Variants in PTPRZ1 observed in about 807,000 individuals in gnomAD.
PTPRZ1 encodes the protein protein tyrosine phosphatase receptor type Z1.
PTPRZ1 carries 82 observed loss-of-function variants against 214.1 expected under a neutral mutation model. That is an observed-to-expected ratio of 0.38 (90% CI 0.32 to 0.46). The LOEUF (loss-of-function observed/expected upper bound fraction) is 0.46, where lower values mean the gene tolerates loss of function less well. Ranked by LOEUF, PTPRZ1 falls within the 20% of genes least tolerant of loss-of-function variation. PTPRZ1 has a pLI of 1.00. For missense variants in PTPRZ1, 2,603 were observed against 2,748.7 expected, an observed-to-expected ratio of 0.95 and a Z score of 1.19; for synonymous variants, 945 against 987.9, an observed-to-expected ratio of 0.96 and a Z score of 0.81.
chr7:122,013,325 GA>G lies in PTPRZ1; in HGVS notation c.4280del (p.Asp1427ValfsTer29). ...EDGDTDDDGDDDDDDRGSDGL... is the reference protein window; with the variant it reads ...EDGDTDDDGDXDDDDRGSDGL... Reference sequence around the variant, plus strand: ...TGGTGACACTGATGATGATGGTGATGATGATGATGATGACAGAGGTAGTGAT... The same window carrying G: ...TGGTGACACTGATGATGATGGTGATGTGATGATGATGACAGAGGTAGTGAT... On this transcript the variant is annotated frameshift_variant, in exon 12 of 30. Transcript: ENST00000393386. LOFTEE classifies it high-confidence loss of function. 6.3e-7 allele frequency: 1 copy of G among 1,581,168 alleles called. No homozygotes were observed. The highest frequency in any genetic ancestry group is 8.6e-7 in the Non-Finnish European group (1 of 1,159,218).
At chr7:121,896,262 G>T (rs1012656696) in intron 1 of PTPRZ1, among the ~76,000 whole-genome samples, 2 of 152,126 alleles carry the variant, frequency 1.3e-5, no homozygotes, top group Non-Finnish European at 2.9e-5. Context: ...TATGCACGTT[G>T]TACAGGATCT....
At chr7:121,981,541 C>A (rs1317708434) in intron 6 of PTPRZ1, among the ~76,000 whole-genome samples, 1 of 152,178 alleles carries the variant, frequency 6.6e-6, no homozygotes. Context: ...AAGTAGATTG[C>A]TGCCTACATG....
chr7:121,970,382 C>T (rs1797200780), intron 3 of PTPRZ1, among the ~76,000 whole-genome samples: 1 of 152,200 alleles, frequency 6.6e-6, no homozygotes, highest in African/African-American at 2.4e-5. Flanking sequence ...GCCACACTGT[C>T]TTCCACAATG....
intron 14 of PTPRZ1, 73 bp from the exon 15 acceptor site, chr7:122,031,401 C>A: frequency 9.7e-7 from 1 of 1,032,656 alleles, no homozygotes; most frequent in Non-Finnish European, 1.5e-6. Flanking sequence ...GTTTCAGAAG[C>A]TACTTTATAA....
intron 18 of PTPRZ1, among the ~76,000 whole-genome samples, 200 bp downstream of exon 18, chr7:122,036,882 T>G (rs1299560990): frequency 6.6e-6 from 1 of 152,248 alleles, no homozygotes; most frequent in East Asian, 1.9e-4. Context: ...CAAGCTATTT[T>G]ACTTGGTTTA....
At chr7:121,968,348 C>T (rs1236207510) in intron 3 of PTPRZ1, among the ~76,000 whole-genome samples, 1 of 151,904 alleles carries the variant, frequency 6.6e-6, no homozygotes, top group East Asian at 1.9e-4. Flanking sequence ...TCATGTTTTC[C>T]TACAAGGTAA....
intron 1 of PTPRZ1, among the ~76,000 whole-genome samples, chr7:121,890,698 C>T (rs931007246): frequency 6.6e-6 from 1 of 152,006 alleles, no homozygotes; most frequent in African/African-American, 2.4e-5. Flanking sequence ...AGAGACAGGT[C>T]TCCCTCTGTC....
chr7:121,985,474 C>T (rs1797739644), intron 8 of PTPRZ1, among the ~76,000 whole-genome samples: 1 of 152,192 alleles, frequency 6.6e-6, no homozygotes, highest in Non-Finnish European at 1.5e-5. Context: ...GTTTACTAGT[C>T]TTAGTGCTTA....
At chr7:121,993,273 C>T (rs888968901) in intron 8 of PTPRZ1, among the ~76,000 whole-genome samples, 1 of 151,698 alleles carries the variant, frequency 6.6e-6, no homozygotes, top group African/African-American at 2.4e-5. Context: ...TTGGGCTGGC[C>T]GGGTGCGGTG....
At chr7:122,000,596 AAAG>A (rs1174530983) in intron 10 of PTPRZ1, among the ~76,000 whole-genome samples, 1 of 142,630 alleles carries the variant, frequency 7.0e-6, no homozygotes, top group Non-Finnish European at 1.5e-5. Flanking sequence ...CTTTTGTTAA[AAAG>A]AAATGAAAAA....
At chr7:121,949,805 A>G (rs1425730271) in intron 2 of PTPRZ1, among the ~76,000 whole-genome samples, 1 of 152,170 alleles carries the variant, frequency 6.6e-6, no homozygotes, top group Non-Finnish European at 1.5e-5. Flanking sequence ...AGCTACAGAA[A>G]CCTACTTTGA....
chr7:122,051,878 G>T lies in PTPRZ1; in HGVS notation c.6191G>T (p.Arg2064Met). Residue 2064 changes from arginine (R) to methionine (M), a missense_variant, in exon 25 of 30, where the codon AGG becomes ATG. By Grantham distance (91) the Arg-to-Met change is moderately conservative. Coordinates refer to ENST00000393386, the MANE Select transcript of PTPRZ1 (RefSeq NM_002851.3). ...TTCTGTGTTCCAGTGGAAAGATCAAGGGTTGGCATTTCATCCCTGAGTGGA... is the reference window on the plus strand; with the variant it reads ...TTCTGTGTTCCAGTGGAAAGATCAATGGTTGGCATTTCATCCCTGAGTGGA... The part of the protein sequence containing the change: ...TSSIIPVERS[R>M]VGISSLSGEG... The T allele has an allele frequency of 1.2e-6, 2 of 1,612,426 alleles. No homozygotes were observed. The highest frequency in any genetic ancestry group is 1.7e-6 in the Non-Finnish European group (2 of 1,179,514).
At position 122,061,233 on chromosome 7, in the gene PTPRZ1, T is replaced by G. The variant is rs1315738087; in HGVS notation, c.*13T>G. 2 of 1,568,826 alleles carry G rather than the reference T, an allele frequency of 1.3e-6. No homozygotes were observed. Among genetic ancestry groups the G allele is most frequent in the Admixed American group, 1.8e-5 (1 of 55,930 alleles). Reference sequence around the variant, plus strand: ...GTCTTTAGTTTAACACAGAAAGGGGTGGGGGAACTCACATCTGAGCATTGT... The same window carrying G: ...GTCTTTAGTTTAACACAGAAAGGGGGGGGGGAACTCACATCTGAGCATTGT... On this transcript the variant is annotated 3_prime_UTR_variant, in exon 30 of 30. Transcript: ENST00000393386.
rs761867566 is a variant in PTPRZ1 at position 122,011,670 on chromosome 7, A to C, written c.2624A>C (p.Gln875Pro). Residue 875 changes from glutamine (Q) to proline (P), a missense_variant, in exon 12 of 30, where the codon CAG (glutamine) becomes CCG (proline). Gln to Pro is a moderately conservative substitution (Grantham distance 76). Transcript: ENST00000393386. ...GDLLLEPSLA[Q>P]YSDVLSTTHA... is the part of the protein sequence containing the mutation. ...TTGCTATTAGAGCCCAGCCTTGCTC[A>C]GTATTCTGATGTGCTGTCCACTACT... 1 of 1,614,038 alleles carries C rather than the reference A, an allele frequency of 6.2e-7. No homozygotes were observed. The highest frequency in any genetic ancestry group is 1.1e-5 in the South Asian group (1 of 91,072).
Position 121,937,741 on chromosome 7 carries a change from A to G in PTPRZ1, c.124+9520A>G, listed in dbSNP as rs148861303. On this transcript the variant is annotated intron_variant, in intron 2 of 29. Transcript: ENST00000393386. ...TTCATTCCCTTAGGGGATGCTATTCAGCTCCCTAATTTAGTAGAATAACTT... is the reference window on the plus strand; with the variant it reads ...TTCATTCCCTTAGGGGATGCTATTCGGCTCCCTAATTTAGTAGAATAACTT... 1.3e-3 allele frequency among the ~76,000 whole-genome samples: 195 copies of G among 152,288 alleles called. 3 individuals are homozygous for G. In the East Asian group the frequency reaches 0.025, roughly 19 times the overall value.
At chr7:122,046,867 A>C (rs1216225856) in intron 23 of PTPRZ1, among the ~76,000 whole-genome samples, 1 of 151,824 alleles carries the variant, frequency 6.6e-6, no homozygotes, top group Non-Finnish European at 1.5e-5. Context: ...ATCAGCGTAG[A>C]GATGGTTCCT....
chr7:121,991,900 A>G (rs1343637820), intron 8 of PTPRZ1, among the ~76,000 whole-genome samples: 6 of 152,158 alleles, frequency 3.9e-5, no homozygotes, highest in African/African-American at 1.4e-4. Context: ...AGAAGTCACA[A>G]CCTCATTGGT....
chr7:121,880,176 G>T (rs886272935), intron 1 of PTPRZ1, among the ~76,000 whole-genome samples: 4 of 152,164 alleles, frequency 2.6e-5, no homozygotes, highest in African/African-American at 9.7e-5. Context: ...TTTGCCCACA[G>T]ATATTAAAGT....
chr7:121,941,413 G>C (rs1443866798), intron 2 of PTPRZ1, among the ~76,000 whole-genome samples: 2 of 152,180 alleles, frequency 1.3e-5, no homozygotes, highest in East Asian at 3.8e-4. Context: ...TTGAGTTCTT[G>C]TGTAAATATA....
Sources: gnomAD v4.1 joint callset for allele counts (sites outside exome capture counted in the v4.1 genomes callset) on GRCh38, gnomAD v4.1.1 for gene constraint, MANE v1.5 for transcripts, NCBI Gene and HGNC (gene_info 2026-07-23, HGNC 2026-07-21) for gene names.